WWC1: variants seen among roughly 807,000 people sequenced by gnomAD.
The protein encoded by WWC1 is protein KIBRA.
Under a neutral mutation model 138.4 loss-of-function variants are expected in WWC1, and 55 were observed. The ratio of observed to expected loss-of-function variants is 0.40; its 90% CI spans 0.32 to 0.50. WWC1 has a LOEUF of 0.50. Among genes scored for constraint, WWC1 ranks in the 20% least tolerant of loss-of-function variants. The probability of loss-of-function intolerance (pLI) is 0.72; values close to 1 mark genes in which losing one functional copy is unlikely to be tolerated. For missense variants in WWC1, 1,226 were observed against 1,420.4 expected (o/e 0.86, Z 2.20); for synonymous variants, 524 against 564.9 (o/e 0.93, Z 1.03).
At chr5:168,457,703 C>T (rs1050117542) in intron 19 of WWC1, among the ~76,000 whole-genome samples, 8 of 152,304 alleles carry the variant, frequency 5.3e-5, no homozygotes, top group African/African-American at 1.4e-4. Context: ...ACACCTTCAC[C>T]GATGCTGCCA....
At chr5:168,430,796 G>A (rs968899727) in intron 14 of WWC1, among the ~76,000 whole-genome samples, 2 of 152,150 alleles carry the variant, frequency 1.3e-5, no homozygotes, top group African/African-American at 4.8e-5. Flanking sequence ...TTCTCTGATC[G>A]TAAGGCCTGG....
chr5:168,358,799 T>C (rs1775654599), intron 1 of WWC1, among the ~76,000 whole-genome samples: 1 of 151,988 alleles, frequency 6.6e-6, no homozygotes, highest in African/African-American at 2.4e-5. Flanking sequence ...TATATATATA[T>C]GTACACATAC....
rs756485554 is a variant in WWC1, at chr5:168,430,146, G to A, written c.2010G>A (p.Glu670=). 1.3e-5 allele frequency: 21 copies of A among 1,613,244 alleles called. No homozygotes were observed. The highest frequency in any genetic ancestry group is 2.2e-5 in the East Asian group (1 of 44,898). Residue 670 remains glutamate, a synonymous_variant, in exon 14 of 23, where the codon GAG becomes GAA. Coordinates refer to ENST00000265293, the MANE Select transcript of WWC1 (RefSeq NM_015238.3). ...TRIQIALKYD[E]KNKQFAILII... is the part of the protein sequence containing the mutation. ...CCCCTTTTCATTTCAGGTATGATGA[G>A]AAGAATAAGCAATTTGCAATATTAA...
intron 1 of WWC1, among the ~76,000 whole-genome samples, chr5:168,315,024 T>C (rs923775687): frequency 1.3e-5 from 2 of 152,192 alleles, no homozygotes; most frequent in African/African-American, 4.8e-5. Flanking sequence ...GGGAGGCTGC[T>C]GACACCCCCC....
intron 2 of WWC1, among the ~76,000 whole-genome samples, chr5:168,375,543 G>A (rs963240255): frequency 1.3e-5 from 2 of 152,096 alleles, no homozygotes; most frequent in African/African-American, 4.8e-5. Flanking sequence ...CAGCAATGCA[G>A]ACAACTCTTT....
chr5:168,380,669 C>G (rs948117631), intron 2 of WWC1, among the ~76,000 whole-genome samples: 9 of 152,054 alleles, frequency 5.9e-5, no homozygotes, highest in African/African-American at 2.2e-4. Context: ...CAATTCTACC[C>G]CTGGTATTTT....
intron 3 of WWC1, among the ~76,000 whole-genome samples, chr5:168,388,981 T>A (rs893438615): frequency 4.6e-5 from 7 of 151,666 alleles, no homozygotes; most frequent in African/African-American, 1.7e-4. Context: ...AGAACTGGGG[T>A]GGGAAGAGGG....
intron 21 of WWC1, among the ~76,000 whole-genome samples, chr5:168,466,192 A>T (rs983689171): frequency 2.6e-5 from 4 of 152,178 alleles, no homozygotes; most frequent in African/African-American, 9.7e-5. Flanking sequence ...TATATTTAAA[A>T]CAACTGGAAG....
At chr5:168,339,926 T>C (rs1313265628) in intron 1 of WWC1, among the ~76,000 whole-genome samples, 5 of 112,350 alleles carry the variant, frequency 4.5e-5, no homozygotes, top group African/African-American at 1.6e-4. Context: ...TCTCTCTCTT[T>C]CTCTCTTTCT....
chr5:168,323,042 T>G (rs10516046), intron 1 of WWC1, among the ~76,000 whole-genome samples: 1,890 of 152,308 alleles, frequency 0.012, 43 homozygotes, highest in African/African-American at 0.043. Flanking sequence ...AGAGATGACT[T>G]TAAAAAATTT....
At chr5:168,446,400 A>G (rs1163198633) in intron 17 of WWC1, among the ~76,000 whole-genome samples, 2 of 152,204 alleles carry the variant, frequency 1.3e-5, no homozygotes. Flanking sequence ...AATTCCTTGT[A>G]TTATGAGAAA....
chr5:168,423,645 A>T lies in WWC1; in HGVS notation c.1387A>T (p.Thr463Ser). ...SLDSSTSASF[T>S]DLYYDPFEQL... ...GGACTCCTCCACTTCAGCCAGCTTC[A>T]CTGACCTCTACTATGACCCCTTTGA... The change falls in exon 11 of 23, where the codon ACT becomes TCT. Residue 463 changes from threonine to serine, a missense_variant. By Grantham distance (58) the Thr-to-Ser change is moderately conservative. Coordinates refer to ENST00000265293, the MANE Select transcript of WWC1 (RefSeq NM_015238.3). The T allele has an allele frequency of 6.2e-7, 1 of 1,614,072 alleles. No homozygotes were observed. The highest frequency in any genetic ancestry group is 8.5e-7 in the Non-Finnish European group (1 of 1,180,010).
chr5:168,453,857 A>G (rs1756055461), intron 17 of WWC1, 111 bp from the exon 18 acceptor site: 1 of 1,528,434 alleles, frequency 6.5e-7, no homozygotes, highest in Non-Finnish European at 8.7e-7. Flanking sequence ...TTTTTAAAAT[A>G]TATCTTCAAT....
intron 1 of WWC1, among the ~76,000 whole-genome samples, chr5:168,311,448 A>G (rs1771073337): frequency 6.6e-6 from 1 of 152,126 alleles, no homozygotes; most frequent in Non-Finnish European, 1.5e-5. Flanking sequence ...CTACCCACCT[A>G]TGTCATGGTT....
At chr5:168,330,924 G>A (rs1055091117) in intron 1 of WWC1, among the ~76,000 whole-genome samples, 5 of 152,080 alleles carry the variant, frequency 3.3e-5, no homozygotes, top group East Asian at 1.9e-4. Context: ...CAGAAGCTTC[G>A]AACCCTCAGT....
chr5:168,392,729 C>T (rs956947153), intron 3 of WWC1, among the ~76,000 whole-genome samples: 3 of 152,134 alleles, frequency 2.0e-5, no homozygotes, highest in East Asian at 1.9e-4. Flanking sequence ...AAACAAATAA[C>T]GTACTGTGCA....
chr5:168,380,717 T>TA lies in WWC1; in HGVS notation c.230-4493dup, dbSNP rs1477224382. On this transcript the variant is annotated intron_variant, in intron 2 of 22. Coordinates refer to ENST00000265293, the MANE Select transcript of WWC1 (RefSeq NM_015238.3). ...GTGAAAACATGCCCACACGAAGACTTAGAGTATTCATCATAATAATCCCTA... is the reference window on the plus strand; with the variant it reads ...GTGAAAACATGCCCACACGAAGACTTAAGAGTATTCATCATAATAATCCCTA... Among the ~76,000 whole-genome samples the TA allele has an allele frequency of 3.3e-5, 5 of 152,172 alleles. 1 individual carries two copies. Among genetic ancestry groups the TA allele is most frequent in the South Asian group, 4.1e-4 (2 of 4,834 alleles).
In WWC1 at chr5:168,292,288, C is replaced by G; in HGVS notation, c.119+17C>G. On this transcript the variant is annotated intron_variant, in intron 1 of 22. Transcript: ENST00000265293. This position sits in a 1 kb window ranked among gnomAD's most constrained non-coding sequence, Gnocchi z 4.4. ...GCGGGACAGGTAGGACCCTGGAACCCTCCTCCGTGCCCCCACACCCCCGCC... is the reference window on the plus strand; with the variant it reads ...GCGGGACAGGTAGGACCCTGGAACCGTCCTCCGTGCCCCCACACCCCCGCC... 1 of 1,582,086 alleles carries G rather than the reference C, an allele frequency of 6.3e-7. No individual in the cohort carries two copies. Among genetic ancestry groups the G allele is most frequent in the Non-Finnish European group, 8.6e-7 (1 of 1,165,162 alleles).
At chr5:168,306,941 C>G (rs1432203710) in intron 1 of WWC1, among the ~76,000 whole-genome samples, 1 of 152,240 alleles carries the variant, frequency 6.6e-6, no homozygotes, top group South Asian at 2.1e-4. Flanking sequence ...CTAGGCCTTC[C>G]TTTCATTTGC....
Sources: gnomAD v4.1 joint callset for allele counts (sites outside exome capture counted in the v4.1 genomes callset) on GRCh38, gnomAD v4.1.1 for gene constraint, Gnocchi (gnomAD v3.1) non-coding constraint, MANE v1.5 for transcripts, NCBI Gene and HGNC (gene_info 2026-07-23, HGNC 2026-07-21) for gene names.